Variants in CHODL observed in about 807,000 individuals in gnomAD.
CHODL encodes the protein transmembrane protein MT75.
In CHODL, 29 loss-of-function variants were observed where a neutral mutation model predicts 34.5. The ratio of observed to expected loss-of-function variants is 0.84; its 90% CI spans 0.63 to 1.15. The LOEUF (loss-of-function observed/expected upper bound fraction) is 1.15, where lower values mean the gene tolerates loss of function less well. CHODL is among the 50% of genes most tolerant of loss of function. The pLI is 0.00. For synonymous variants in CHODL, 125 were observed against 116.1 expected, an observed-to-expected ratio of 1.08 and a Z score of -0.49; for missense variants, 332 against 332.5, an observed-to-expected ratio of 1.00 and a Z score of 0.01.
chr21:17,946,399 G>T (rs924068347), intron 1 of CHODL, among the ~76,000 whole-genome samples: 1 of 152,168 alleles, frequency 6.6e-6, no homozygotes, highest in Admixed American at 6.5e-5. Flanking sequence ...CAGCCTGGGC[G>T]ACAAAGCGAG....
At chr21:17,977,039 A>G (rs2063669106) in intron 1 of CHODL, among the ~76,000 whole-genome samples, 2 of 152,222 alleles carry the variant, frequency 1.3e-5, no homozygotes, top group African/African-American at 4.8e-5. Context: ...TGCAAGCTCC[A>G]TAACACTTTA....
At chr21:18,027,834 G>T (rs1225284543) in intron 1 of CHODL, 1 of 152,530 alleles carries the variant, frequency 6.6e-6, no homozygotes, top group Non-Finnish European at 1.5e-5. Context: ...AGCAATACAA[G>T]AGAGCTTGCT....
At chr21:17,961,390 C>G (rs2063531452) in intron 1 of CHODL, among the ~76,000 whole-genome samples, 1 of 152,204 alleles carries the variant, frequency 6.6e-6, no homozygotes, top group Non-Finnish European at 1.5e-5. Flanking sequence ...TCTCATTAAT[C>G]TCTGTTAGTA....
At chr21:18,010,999 T>C (rs1427733608) in intron 1 of CHODL, among the ~76,000 whole-genome samples, 2 of 152,330 alleles carry the variant, frequency 1.3e-5, no homozygotes, top group South Asian at 2.1e-4. Context: ...TTTACTCAAA[T>C]GTTTCAACAA....
intron 1 of CHODL, among the ~76,000 whole-genome samples, chr21:17,947,356 A>C (rs2146337852): frequency 6.6e-6 from 1 of 152,274 alleles, no homozygotes; most frequent in Non-Finnish European, 1.5e-5. Flanking sequence ...ATACAGTAAA[A>C]GCAGCTCTAA....
intron 1 of CHODL, among the ~76,000 whole-genome samples, chr21:18,007,512 G>A (rs561390208): frequency 2.6e-5 from 4 of 152,160 alleles, no homozygotes; most frequent in African/African-American, 9.6e-5. Flanking sequence ...TACATCTTGA[G>A]GTTTTGATTA....
intron 2 of CHODL, among the ~76,000 whole-genome samples, chr21:18,178,362 T>TTTTA (rs1216919913): frequency 6.6e-6 from 1 of 152,144 alleles, no homozygotes; most frequent in Non-Finnish European, 1.5e-5. Context: ...AAAAGTAAGT[T>TTTTA]TTTATTTCAG....
At chr21:18,068,249 T>A (rs2064754716) in intron 2 of CHODL, among the ~76,000 whole-genome samples, 1 of 151,862 alleles carries the variant, frequency 6.6e-6, no homozygotes, top group African/African-American at 2.4e-5. Flanking sequence ...CAGGCTGGAG[T>A]GCAGTGGTGC....
chr21:18,117,181 C>T (rs112185397), intron 2 of CHODL, among the ~76,000 whole-genome samples: 17 of 152,300 alleles, frequency 1.1e-4, no homozygotes, highest in Middle Eastern at 3.4e-3. Context: ...GCTTTAAGTC[C>T]AAACTTCCCA....
At chr21:18,148,520 GCACA>G (rs938142404) in intron 2 of CHODL, among the ~76,000 whole-genome samples, 1 of 151,890 alleles carries the variant, frequency 6.6e-6, no homozygotes, top group African/African-American at 2.4e-5. Flanking sequence ...ATGTACTTAT[GCACA>G]CACACACAAT....
At chr21:18,103,299 A>G (rs950341585) in intron 2 of CHODL, among the ~76,000 whole-genome samples, 4 of 152,232 alleles carry the variant, frequency 2.6e-5, no homozygotes, top group Admixed American at 6.5e-5. Flanking sequence ...TTTTAAATAT[A>G]AACATCCTAG....
chr21:18,176,685 A>C (rs2146669771), intron 2 of CHODL, among the ~76,000 whole-genome samples: 1 of 152,318 alleles, frequency 6.6e-6, no homozygotes, highest in Middle Eastern at 3.4e-3. Flanking sequence ...GTATGCTTGA[A>C]CTAAATGTAT....
chr21:18,122,863 T>C (rs900371092), intron 2 of CHODL, among the ~76,000 whole-genome samples: 1 of 152,198 alleles, frequency 6.6e-6, no homozygotes, highest in African/African-American at 2.4e-5. Flanking sequence ...TCATTTTATG[T>C]TTATCGTTTG....
intron 2 of CHODL, among the ~76,000 whole-genome samples, chr21:18,091,140 C>T (rs1386900652): frequency 6.6e-6 from 1 of 152,196 alleles, no homozygotes; most frequent in African/African-American, 2.4e-5. Context: ...TCCCCACATA[C>T]AGAGGGAACA....
At chr21:18,100,685 T>C (rs1474003027) in intron 2 of CHODL, among the ~76,000 whole-genome samples, 1 of 152,160 alleles carries the variant, frequency 6.6e-6, no homozygotes, top group Non-Finnish European at 1.5e-5. Flanking sequence ...ATTTTGTGCA[T>C]GTATTGATTT....
chr21:17,955,643 A>G lies in CHODL; in HGVS notation c.-145+38243A>G, dbSNP rs920757650. On this transcript the variant is annotated intron_variant, in intron 1 of 6. Transcript: ENST00000400127. ...GCCAAATATACCTGAAAATCATATA[A>G]TGAGTGGATTGATATTGCACATAAG... is the stretch of plus-strand genomic sequence containing the variant. 1.5e-5 allele frequency among the ~76,000 whole-genome samples: 2 copies of G among 136,888 alleles called. 1 individual carries two copies. The highest frequency in any genetic ancestry group is 1.4e-4 in the Admixed American group (2 of 13,900). The allele number at this position is 136,888 out of a possible 152,430, so 89.8% of individuals were successfully genotyped here. A position where few individuals can be genotyped will look rare whatever the true frequency, so the allele number is the denominator to read the frequency against.
intron 1 of CHODL, among the ~76,000 whole-genome samples, chr21:18,023,952 G>A (rs1351249281): frequency 2.0e-5 from 3 of 152,190 alleles, no homozygotes; most frequent in African/African-American, 7.2e-5. Context: ...TATGGTAAAA[G>A]AGAAGGCAAG....
At chr21:17,921,857 T>C (rs2063185613) in intron 1 of CHODL, among the ~76,000 whole-genome samples, 2 of 152,210 alleles carry the variant, frequency 1.3e-5, no homozygotes, top group Non-Finnish European at 2.9e-5. Flanking sequence ...ACAGCAGATG[T>C]TTAAATTAAT....
rs897511914 is a variant in CHODL at position 17,946,937 on chromosome 21, C to A, written c.-145+29537C>A. ...CTATTGGTTTTATAGATCCTTTCTT[C>A]CTATCTTCCTATCTTCCTTTGTGGT... On this transcript the variant is annotated intron_variant, in intron 1 of 6. Coordinates refer to the CHODL transcript ENST00000400127. Among the ~76,000 whole-genome samples, 4 of 152,004 alleles carry A rather than the reference C, an allele frequency of 2.6e-5. No individual in the cohort carries two copies. The East Asian group carries it at 7.7e-4, about 29-fold the overall frequency.
Sources: allele counts gnomAD v4.1 joint callset (sites outside exome capture counted in the v4.1 genomes callset), GRCh38; gene constraint gnomAD v4.1.1; transcripts MANE v1.5; gene names NCBI Gene and HGNC (gene_info 2026-07-23, HGNC 2026-07-21).